Variants in CCDC195 observed in about 807,000 individuals in gnomAD.
CCDC195 encodes the protein coiled-coil domain-containing protein 195.
chr2:224,706,865 ATATATATG>A (rs1297555240), intron 2 of CCDC195, among the ~76,000 whole-genome samples: 20 of 151,012 alleles, frequency 1.3e-4, no homozygotes, highest in African/African-American at 4.9e-4. Flanking sequence ...AACTGGATAT[ATATATATG>A]TATGTGTGTC....
At chr2:224,704,474 A>G (rs998695984) in intron 2 of CCDC195, among the ~76,000 whole-genome samples, 1 of 152,170 alleles carries the variant, frequency 6.6e-6, no homozygotes, top group Non-Finnish European at 1.5e-5. Context: ...CAGTGTTTAA[A>G]ATGACTGCCT....
chr2:224,714,362 C>T (rs1689356213), intron 1 of CCDC195, among the ~76,000 whole-genome samples: 1 of 152,156 alleles, frequency 6.6e-6, no homozygotes, highest in Admixed American at 6.5e-5. Flanking sequence ...TAAGATGCAA[C>T]TTACTTTTCT....
intron 2 of CCDC195, among the ~76,000 whole-genome samples, chr2:224,706,189 C>CTTTTTTATTTTTTTT (rs1697238257): frequency 6.0e-5 from 2 of 33,340 alleles, no homozygotes; most frequent in Non-Finnish European, 9.3e-5. Flanking sequence ...TATTTTGTAA[C>CTTTTTTATTTTTTTT]TTTTTTTTTT....
chr2:224,706,184 T>C (rs961347725), intron 2 of CCDC195, among the ~76,000 whole-genome samples: 1 of 141,396 alleles, frequency 7.1e-6, no homozygotes, highest in African/African-American at 2.6e-5. Flanking sequence ...CTCTATATTT[T>C]GTAACTTTTT....
chr2:224,712,052 T>C (rs553982293), intron 1 of CCDC195, among the ~76,000 whole-genome samples: 1 of 152,218 alleles, frequency 6.6e-6, no homozygotes, highest in African/African-American at 2.4e-5. Flanking sequence ...CAGGAAATTA[T>C]GCTGATGATA....
chr2:224,710,357 A>G (rs1306249248), intron 1 of CCDC195, 138 bp from the exon 2 acceptor site: 13 of 393,248 alleles, frequency 3.3e-5, no homozygotes, highest in African/African-American at 2.5e-4. Context: ...AAAGATATCC[A>G]TTTGGCCTGG....
chr2:224,705,507 C>A (rs1002409337), intron 2 of CCDC195, among the ~76,000 whole-genome samples: 3 of 152,094 alleles, frequency 2.0e-5, no homozygotes, highest in Non-Finnish European at 4.4e-5. Flanking sequence ...AGTTCACAAG[C>A]AAATTGGTTA....
chr2:224,704,508 G>T (rs895481341), intron 2 of CCDC195, among the ~76,000 whole-genome samples: 3 of 150,658 alleles, frequency 2.0e-5, no homozygotes, highest in Non-Finnish European at 4.4e-5. Flanking sequence ...GTTCTCTTTT[G>T]TGGGAACAAA....
In CCDC195 at chr2:224,707,409, C is replaced by T. The variant is rs115485479; in HGVS notation, c.482+2564G>A. Among the ~76,000 whole-genome samples the T allele has an allele frequency of 1.9e-3, 291 of 152,296 alleles. 2 individuals carry two copies. The highest frequency in any genetic ancestry group is 6.7e-3 in the African/African-American group (278 of 41,566). ...TGAACACACTGGTAATGCTCCTACC[C>T]AGGGCTTCTGCATTTGCTCTTCTCA... On this transcript the variant is annotated intron_variant, in intron 2 of 2. Transcript: ENST00000638102.
At chr2:224,715,894 C>T (rs1689377351) in intron 1 of CCDC195, among the ~76,000 whole-genome samples, 1 of 152,188 alleles carries the variant, frequency 6.6e-6, no homozygotes, top group Non-Finnish European at 1.5e-5. Context: ...AAACCTGTCT[C>T]TCTTATCTTT....
At chr2:224,704,800 T>C (rs1697221467) in intron 2 of CCDC195, among the ~76,000 whole-genome samples, 1 of 152,114 alleles carries the variant, frequency 6.6e-6, no homozygotes, top group African/African-American at 2.4e-5. Flanking sequence ...TTTTGTGTTT[T>C]TAGTAGAGAC....
At chr2:224,710,085 C>T (rs529917216) in exon 2 of CCDC195, 1 of 398,552 alleles carries the variant, frequency 2.5e-6, no homozygotes, top group Non-Finnish European at 4.4e-6. Flanking sequence ...GGAGAACATG[C>T]CAATGACTTC....
Position 224,716,140 on chromosome 2 carries a change from C to A in CCDC195, c.226G>T (p.Glu76Ter). The A allele has an allele frequency of 2.5e-6, 1 of 398,702 alleles. No individual in the cohort carries two copies. The highest frequency in any genetic ancestry group is 1.3e-4 in the South Asian group (1 of 7,804). 24.7% of individuals were successfully genotyped at this position (398,702 alleles called of 1,614,324 possible). ...CAGAATGTTTGGGTACCTTGGTGTT[C>A]CTGCACTGCTGGTGCTGCATCAGTG... The change falls in exon 1 of 3, where the codon GAA (glutamate) becomes TAA (stop). Residue 76 changes from glutamate to a stop codon, truncating the protein, a stop_gained. Transcript: ENST00000638102. LOFTEE classifies it high-confidence loss of function.
intron 1 of CCDC195, among the ~76,000 whole-genome samples, chr2:224,712,359 A>G (rs767451465): frequency 1.3e-5 from 2 of 152,218 alleles, no homozygotes; most frequent in Non-Finnish European, 2.9e-5. Flanking sequence ...CCACAGGGCA[A>G]GAGGGGCCGG....
intron 2 of CCDC195, among the ~76,000 whole-genome samples, chr2:224,709,593 A>G (rs1239035703): frequency 6.6e-6 from 1 of 152,070 alleles, no homozygotes; most frequent in Non-Finnish European, 1.5e-5. Flanking sequence ...AACTGTGCCT[A>G]CTCCCTGAGA....
chr2:224,710,385 G>A (rs1689301047), intron 1 of CCDC195, among the ~76,000 whole-genome samples, 166 bp from the exon 2 acceptor site: 1 of 152,224 alleles, frequency 6.6e-6, no homozygotes, highest in Admixed American at 6.5e-5. Context: ...GCTCACACCT[G>A]TAATCCCAGC....
chr2:224,708,546 A>G (rs1393937143), intron 2 of CCDC195, among the ~76,000 whole-genome samples: 1 of 152,092 alleles, frequency 6.6e-6, no homozygotes, highest in African/African-American at 2.4e-5. Context: ...CCCTGCTCCT[A>G]TGATAGAACC....
chr2:224,707,865 ACTTT>A (rs1344878330), intron 2 of CCDC195, among the ~76,000 whole-genome samples: 3 of 151,966 alleles, frequency 2.0e-5, no homozygotes, highest in Non-Finnish European at 4.4e-5. Context: ...GTTATATAAG[ACTTT>A]CTTTATTGGT....
intron 1 of CCDC195, among the ~76,000 whole-genome samples, chr2:224,713,764 C>A (rs1689349145): frequency 6.6e-6 from 1 of 151,032 alleles, no homozygotes; most frequent in Admixed American, 6.6e-5. Context: ...GTGCAATAAG[C>A]AAGGTTTCCT....
Sources: gnomAD v4.1 joint callset for allele counts (sites outside exome capture counted in the v4.1 genomes callset) on GRCh38, gnomAD v4.1.1 for gene constraint, MANE v1.5 for transcripts, NCBI Gene and HGNC (gene_info 2026-07-23, HGNC 2026-07-21) for gene names.